Variants in SEC23A observed in about 807,000 individuals in gnomAD.
SEC23A encodes the protein SEC23 homolog A, COPII component.
In SEC23A, 56 loss-of-function variants were observed where a neutral mutation model predicts 103.7. The ratio of observed to expected loss-of-function variants is 0.54; its 90% CI spans 0.44 to 0.67. The LOEUF (loss-of-function observed/expected upper bound fraction) is 0.67. Ranked by LOEUF, SEC23A falls within the 30% of genes least tolerant of loss-of-function variation. The pLI is 0.00. For synonymous variants in SEC23A, 281 were observed against 293.0 expected (o/e 0.96, Z 0.42); for missense variants, 784 against 936.4 (o/e 0.84, Z 2.12).
chr14:39,099,407 C>T (rs1374443202), intron 1 of SEC23A, among the ~76,000 whole-genome samples: 1 of 152,018 alleles, frequency 6.6e-6, no homozygotes, highest in Non-Finnish European at 1.5e-5. Flanking sequence ...ATCCGCCGGC[C>T]TCGGCCTCCC....
At chr14:39,079,188 A>G (rs1228621060) in intron 7 of SEC23A, among the ~76,000 whole-genome samples, 1 of 152,166 alleles carries the variant, frequency 6.6e-6, no homozygotes, top group Non-Finnish European at 1.5e-5. Flanking sequence ...CAAACTACCA[A>G]TGAAATGAGA....
chr14:39,065,128 T>C (rs1594457847), intron 10 of SEC23A, 135 bp from the exon 11 acceptor site: 1 of 704,060 alleles, frequency 1.4e-6, no homozygotes, highest in East Asian at 2.7e-5. Context: ...ACATGAAAAA[T>C]AATCAATCAA....
At position 39,103,022 on chromosome 14, in the gene SEC23A, C is replaced by A; in HGVS notation, c.-22+10G>T. The A allele has an allele frequency of 1.3e-5, 2 of 153,426 alleles. No homozygotes were observed. The highest frequency in any genetic ancestry group is 3.8e-4 in the South Asian group (2 of 5,324). The allele number at this position is 153,426 out of a possible 1,614,324, so 9.5% of individuals were successfully genotyped here. The stretch of plus-strand genomic sequence containing the variant: ...CCGCCGCCAGCCCGCCCCCGCTCCC[C>A]GCTGCGCACCTGCGGTCCCCCAGGA... On this transcript the variant is annotated intron_variant, in intron 1 of 19. Coordinates refer to ENST00000307712, the MANE Select transcript of SEC23A (RefSeq NM_006364.4).
At chr14:39,048,624 A>G (rs1885931978) in intron 15 of SEC23A, 28 bp downstream of exon 15, 1 of 1,435,526 alleles carries the variant, frequency 7.0e-7, no homozygotes, top group African/African-American at 1.4e-5. Flanking sequence ...AAAGAAAAGA[A>G]AAGAATATGG....
intron 14 of SEC23A, among the ~76,000 whole-genome samples, chr14:39,049,260 A>G (rs1885958131): frequency 6.6e-6 from 1 of 151,642 alleles, no homozygotes; most frequent in Non-Finnish European, 1.5e-5. Context: ...GGCGGATCAC[A>G]AGGTCAGGAG....
chr14:39,061,921 G>A, intron 12 of SEC23A, 50 bp from the exon 13 acceptor site: 1 of 1,141,882 alleles, frequency 8.8e-7, no homozygotes, highest in Admixed American at 1.7e-5. Context: ...CTATGCTGTT[G>A]TCATATAATC....
intron 1 of SEC23A, among the ~76,000 whole-genome samples, chr14:39,101,446 C>A (rs1888091257): frequency 6.6e-6 from 1 of 151,670 alleles, no homozygotes; most frequent in Non-Finnish European, 1.5e-5. Context: ...GGTTAAACCC[C>A]GTCTCTACTG....
chr14:39,059,875 T>A (rs1398422245), intron 13 of SEC23A, among the ~76,000 whole-genome samples: 1 of 152,124 alleles, frequency 6.6e-6, no homozygotes, highest in Non-Finnish European at 1.5e-5. Flanking sequence ...TAAAGCAAAA[T>A]TTTTCCCTGA....
At chr14:39,065,427 GCTTA>G (rs1886624790) in intron 10 of SEC23A, among the ~76,000 whole-genome samples, 2 of 151,596 alleles carry the variant, frequency 1.3e-5, no homozygotes, top group African/African-American at 4.9e-5. Flanking sequence ...AAATTGGAAA[GCTTA>G]CTTTTGTTTT....
rs527820862 is a variant in SEC23A at position 39,080,879 on chromosome 14, A to G, written c.829-4786T>C. ...AACAAAAACCCTACAAGATAAAAAAAAAATTCCTCAAGACCTTGAAGCAAA... is the reference window on the plus strand; with the variant it reads ...AACAAAAACCCTACAAGATAAAAAAGAAATTCCTCAAGACCTTGAAGCAAA... On this transcript the variant is annotated intron_variant, in intron 7 of 19. Coordinates refer to ENST00000307712, the MANE Select transcript of SEC23A (RefSeq NM_006364.4). Among the ~76,000 whole-genome samples the G allele has an allele frequency of 7.2e-5, 11 of 152,318 alleles. No individual in the cohort carries two copies. In the South Asian group the frequency reaches 2.3e-3, roughly 32 times the overall value.
At chr14:39,085,228 G>A (rs1014868918) in intron 7 of SEC23A, among the ~76,000 whole-genome samples, 10 of 152,186 alleles carry the variant, frequency 6.6e-5, no homozygotes, top group Admixed American at 3.9e-4. Flanking sequence ...GTGCCCCAGA[G>A]AAGCCACAGA....
intron 19 of SEC23A, among the ~76,000 whole-genome samples, chr14:39,038,642 G>T (rs143598477): frequency 6.6e-6 from 1 of 152,248 alleles, no homozygotes; most frequent in Non-Finnish European, 1.5e-5. Flanking sequence ...ACCACACCCA[G>T]CAGGACTTTT....
chr14:39,049,503 G>C (rs866755142), intron 14 of SEC23A, among the ~76,000 whole-genome samples: 1 of 151,060 alleles, frequency 6.6e-6, no homozygotes, highest in Non-Finnish European at 1.5e-5. Flanking sequence ...TGAGCCAAGT[G>C]TGCTGACTCA....
chr14:39,052,668 A>G (rs1318255273), intron 14 of SEC23A, among the ~76,000 whole-genome samples: 1 of 152,252 alleles, frequency 6.6e-6, no homozygotes, highest in Non-Finnish European at 1.5e-5. Context: ...CAGCTTTTAG[A>G]ATCTCTAAAC....
At chr14:39,044,811 G>C (rs1448746276) in intron 16 of SEC23A, among the ~76,000 whole-genome samples, 2 of 152,148 alleles carry the variant, frequency 1.3e-5, no homozygotes, top group African/African-American at 4.8e-5. Flanking sequence ...TCTGGAATAA[G>C]CTACAGTCTA....
In SEC23A at chr14:39,085,870, G is replaced by A. The variant is rs967970239; in HGVS notation, c.720C>T (p.Leu240=). 6 of 1,613,536 alleles carry A rather than the reference G, an allele frequency of 3.7e-6. No homozygotes were observed. In the Admixed American group the frequency reaches 6.7e-5, roughly 18 times the overall value. The change falls in exon 7 of 20, where the codon CTC becomes CTT. Residue 240 remains leucine, a synonymous_variant. Transcript: ENST00000307712. Reference sequence around the variant, plus strand: ...GCTGGAGTTCTCCCAGAAGATCTGTGAGATTCATGTCTATTTTCTGTACTG... The same window carrying A: ...GCTGGAGTTCTCCCAGAAGATCTGTAAGATTCATGTCTATTTTCTGTACTG... ...LQPVQKIDMN[L]TDLLGELQRD...
chr14:39,054,033 G>C (rs1053128608), intron 14 of SEC23A, among the ~76,000 whole-genome samples: 1 of 152,046 alleles, frequency 6.6e-6, no homozygotes, highest in Non-Finnish European at 1.5e-5. Context: ...CCAACACTTT[G>C]GGAGAATGAG....
chr14:39,047,396 G>C (rs1366197894), intron 15 of SEC23A: 10 of 1,288,676 alleles, frequency 7.8e-6, no homozygotes, highest in Non-Finnish European at 1.0e-5. Flanking sequence ...GCCTTTTCCT[G>C]GTTCTCCAGG....
In SEC23A at chr14:39,048,724, C is replaced by G; in HGVS notation, c.1665G>C (p.Gln555His). 6.7e-7 allele frequency: 1 copy of G among 1,496,810 alleles called. No individual in the cohort carries two copies. The highest frequency in any genetic ancestry group is 9.3e-7 in the Non-Finnish European group (1 of 1,072,988). The allele number at this position is 1,496,810 out of a possible 1,614,324, so 92.7% of individuals were successfully genotyped here. Residue 555 changes from glutamine (Q) to histidine (H), a missense_variant, in exon 15 of 20, where the codon CAG (glutamine) becomes CAC (histidine). By Grantham distance (24) the Gln-to-His change is conservative. Transcript: ENST00000307712. The part of the protein sequence containing the change: ...WLDRQLIRLC[Q>H]KFGEYHKDDP... ...CATCTTTATGATATTCTCCAAATTT[C>G]TGACACTAAATAAAATAAAATGTGT...
Sources: allele counts gnomAD v4.1 joint callset (sites outside exome capture counted in the v4.1 genomes callset), GRCh38; gene constraint gnomAD v4.1.1; transcripts MANE v1.5; gene names NCBI Gene and HGNC (gene_info 2026-07-23, HGNC 2026-07-21).